Variants in IMPG2 observed in about 807,000 individuals in gnomAD.
IMPG2 encodes IPM 200.
IMPG2 carries 91 observed loss-of-function variants against 129.2 expected under a neutral mutation model. The observed-to-expected ratio is 0.70, with a 90% CI of 0.59 to 0.84. The LOEUF is 0.84. Ranked by LOEUF, IMPG2 falls within the 40% of genes least tolerant of loss-of-function variation. IMPG2 has a pLI of 0.00. For missense variants in IMPG2, 1,430 were observed against 1,461.7 expected, an observed-to-expected ratio of 0.98 and a Z score of 0.35; for synonymous variants, 510 against 517.7, an observed-to-expected ratio of 0.99 and a Z score of 0.20.
chr3:101,250,838 C>T (rs1706536290), intron 11 of IMPG2, among the ~76,000 whole-genome samples: 1 of 152,088 alleles, frequency 6.6e-6, no homozygotes, highest in South Asian at 2.1e-4. Context: ...AATATGGAGC[C>T]TATTTACATA....
chr3:101,272,650 A>AT (rs1706798330), intron 7 of IMPG2, among the ~76,000 whole-genome samples: 1 of 152,196 alleles, frequency 6.6e-6, no homozygotes, highest in African/African-American at 2.4e-5. Context: ...TTTCTTCCAC[A>AT]TACCATATAG....
intron 3 of IMPG2, among the ~76,000 whole-genome samples, chr3:101,293,715 G>T (rs375910745): frequency 6.6e-6 from 1 of 152,204 alleles, no homozygotes; most frequent in African/African-American, 2.4e-5. Flanking sequence ...CACATTAAAA[G>T]TCTGTTGTTC....
intron 7 of IMPG2, among the ~76,000 whole-genome samples, chr3:101,273,371 T>C (rs1453940554): frequency 2.6e-5 from 4 of 152,234 alleles, no homozygotes; most frequent in Non-Finnish European, 4.4e-5. Flanking sequence ...ATTTATTTTT[T>C]AGCAGATGGC....
intron 3 of IMPG2, among the ~76,000 whole-genome samples, chr3:101,292,981 C>T (rs1240292166): frequency 2.0e-5 from 3 of 152,150 alleles, no homozygotes; most frequent in Non-Finnish European, 4.4e-5. Context: ...ACGTCTAGTT[C>T]TCTTGCTATT....
chr3:101,274,164 G>A (rs1706818204), intron 6 of IMPG2, among the ~76,000 whole-genome samples: 1 of 152,062 alleles, frequency 6.6e-6, no homozygotes, highest in Non-Finnish European at 1.5e-5. Flanking sequence ...ACTCCAGCCT[G>A]GGTGACGGAG....
rs78268991 is a variant in IMPG2 at position 101,309,748 on chromosome 3, T to C, written c.335-5436A>G. Among the ~76,000 whole-genome samples, 39 of 152,296 alleles carry C rather than the reference T, an allele frequency of 2.6e-4. No individual in the cohort carries two copies. In the East Asian group the frequency reaches 7.0e-3, roughly 27 times the overall value. On this transcript the variant is annotated intron_variant, in intron 2 of 18. Transcript: ENST00000193391. ...CTGTAAGCATATATCCACAGAAAGA[T>C]TTATGTTCAATGCCAGAGCAACTTT...
chr3:101,249,563 A>T (rs947754182), intron 11 of IMPG2, among the ~76,000 whole-genome samples: 7 of 147,714 alleles, frequency 4.7e-5, no homozygotes, highest in African/African-American at 1.7e-4. Flanking sequence ...AGCTTTGGTT[A>T]AAAAAAAAAG....
intron 2 of IMPG2, among the ~76,000 whole-genome samples, chr3:101,318,525 T>A (rs955820644): frequency 1.3e-5 from 2 of 152,122 alleles, no homozygotes; most frequent in African/African-American, 4.8e-5. Flanking sequence ...TTTATTGTGT[T>A]TTTAAAACTT....
At position 101,306,611 on chromosome 3, in the gene IMPG2, G is replaced by T. The variant is rs144827099; in HGVS notation, c.335-2299C>A. On this transcript the variant is annotated intron_variant, in intron 2 of 18. Coordinates refer to ENST00000193391, the MANE Select transcript of IMPG2 (RefSeq NM_016247.4). ...CTGGGTCAGTAAAAACTAACAAAAA[G>T]TGAATGTCTATAATGTCTGGTAATG... 9.9e-5 allele frequency among the ~76,000 whole-genome samples: 15 copies of T among 152,188 alleles called. No individual in the cohort carries two copies. The East Asian group carries it at 2.7e-3, about 27-fold the overall frequency.
rs1334280039 is a variant in IMPG2 at position 101,238,499 on chromosome 3, C to T, written c.3022+4189G>A. Among the ~76,000 whole-genome samples, 7 of 152,140 alleles carry T rather than the reference C, an allele frequency of 4.6e-5. No individual in the cohort carries two copies. The East Asian group carries it at 1.4e-3, about 29-fold the overall frequency. Reference sequence around the variant, plus strand: ...GTCGGGTTACCCACAAAGGGAAACCCATCAGACTAACAGCGGATCTCTCTG... The same window carrying T: ...GTCGGGTTACCCACAAAGGGAAACCTATCAGACTAACAGCGGATCTCTCTG... On this transcript the variant is annotated intron_variant, in intron 14 of 18. Transcript: ENST00000193391.
chr3:101,257,238 A>T (rs187882015), intron 10 of IMPG2, among the ~76,000 whole-genome samples: 156 of 151,994 alleles, frequency 1.0e-3, no homozygotes, highest in African/African-American at 3.6e-3. Flanking sequence ...TTCAATGCAC[A>T]CTTCCAAGTA....
intron 10 of IMPG2, among the ~76,000 whole-genome samples, chr3:101,255,202 G>A (rs1045620334): frequency 1.3e-5 from 2 of 152,056 alleles, no homozygotes; most frequent in African/African-American, 2.4e-5. Flanking sequence ...ATCAAGTTAC[G>A]TAGAAAGCTG....
Position 101,250,864 on chromosome 3 carries a change from C to T in IMPG2, c.1239+2832G>A, listed in dbSNP as rs527241737. 2.7e-4 allele frequency among the ~76,000 whole-genome samples: 41 copies of T among 152,106 alleles called. 1 individual carries two copies. The highest frequency in any genetic ancestry group is 2.5e-4 in the Non-Finnish European group (17 of 68,016). On this transcript the variant is annotated intron_variant, in intron 11 of 18. Coordinates refer to ENST00000193391, the MANE Select transcript of IMPG2 (RefSeq NM_016247.4). The stretch of plus-strand genomic sequence containing the variant: ...TATTTACATAGAAAAAACTTTCCAG[C>T]CTTCCCCTTTATTTTTCTAGGATTG...
intron 4 of IMPG2, among the ~76,000 whole-genome samples, chr3:101,280,896 C>T (rs1706886339): frequency 6.6e-6 from 1 of 151,884 alleles, no homozygotes; most frequent in East Asian, 1.9e-4. Context: ...TTGCAGTGGG[C>T]TGAGATCGGG....
chr3:101,297,172 T>TGG (rs1255154403), intron 3 of IMPG2, among the ~76,000 whole-genome samples: 6 of 152,168 alleles, frequency 3.9e-5, no homozygotes, highest in African/African-American at 1.4e-4. Context: ...CCTCCCAAAG[T>TGG]GCTGGGATTA....
chr3:101,246,122 G>T lies in IMPG2; in HGVS notation c.1240-17C>A, dbSNP rs1358295069. 2.5e-6 allele frequency: 4 copies of T among 1,611,982 alleles called. No individual in the cohort carries two copies. The highest frequency in any genetic ancestry group is 3.4e-6 in the Non-Finnish European group (4 of 1,179,092). On this transcript the variant is annotated splice_polypyrimidine_tract_variant and intron_variant, in intron 11 of 18. Coordinates refer to ENST00000193391, the MANE Select transcript of IMPG2 (RefSeq NM_016247.4). ...GGTATTATCCTGGGGGGAAAAAAAG[G>T]CTAAATCATATCATAGATAAAAGAA...
At chr3:101,318,863 T>C (rs996711105) in intron 2 of IMPG2, among the ~76,000 whole-genome samples, 1 of 152,078 alleles carries the variant, frequency 6.6e-6, no homozygotes, top group Non-Finnish European at 1.5e-5. Context: ...GAAACAGAAT[T>C]GACTTACATA....
At chr3:101,315,036 A>C (rs1685192919) in intron 2 of IMPG2, among the ~76,000 whole-genome samples, 1 of 152,140 alleles carries the variant, frequency 6.6e-6, no homozygotes, top group South Asian at 2.1e-4. Context: ...GCTGTGTTAT[A>C]TCTTTTCTGC....
At chr3:101,316,351 AAT>A (rs1321674843) in intron 2 of IMPG2, among the ~76,000 whole-genome samples, 3 of 152,102 alleles carry the variant, frequency 2.0e-5, no homozygotes, top group Admixed American at 6.6e-5. Flanking sequence ...ATGTATGCAA[AAT>A]ATATGTTTGA....
Sources: gnomAD v4.1 joint callset for allele counts (sites outside exome capture counted in the v4.1 genomes callset) on GRCh38, gnomAD v4.1.1 for gene constraint, MANE v1.5 for transcripts, NCBI Gene and HGNC (gene_info 2026-07-23, HGNC 2026-07-21) for gene names.